DENND5B: variants seen among roughly 807,000 people sequenced by gnomAD.
DENND5B encodes DENN domain containing 5B, also known as DENN domain-containing protein 5B.
In DENND5B, 34 loss-of-function variants were observed where a neutral mutation model predicts 140.6. The observed-to-expected ratio is 0.24, with a 90% CI of 0.18 to 0.32. The LOEUF (loss-of-function observed/expected upper bound fraction) is 0.32. Among genes scored for constraint, DENND5B ranks in the 10% least tolerant of loss-of-function variants. The probability of loss-of-function intolerance (pLI) is 1.00; values close to 1 mark genes in which losing one functional copy is unlikely to be tolerated. For synonymous variants in DENND5B, 551 were observed against 562.1 expected, an observed-to-expected ratio of 0.98 and a Z score of 0.28; for missense variants, 1,142 against 1,560.2, an observed-to-expected ratio of 0.73 and a Z score of 4.52.
intron 3 of DENND5B, among the ~76,000 whole-genome samples, chr12:31,463,214 G>A (rs908240635): frequency 2.0e-5 from 3 of 152,142 alleles, no homozygotes; most frequent in South Asian, 2.1e-4. Flanking sequence ...AGCTGCGATC[G>A]TACCACTGCA....
intron 2 of DENND5B, among the ~76,000 whole-genome samples, chr12:31,492,284 A>ATGTTT (rs1348464057): frequency 6.6e-6 from 1 of 152,238 alleles, no homozygotes; most frequent in African/African-American, 2.4e-5. Context: ...TTAAAGATTA[A>ATGTTT]TGTTTTGCAG....
intron 1 of DENND5B, among the ~76,000 whole-genome samples, chr12:31,554,032 G>C (rs1949177276): frequency 1.3e-5 from 2 of 152,140 alleles, no homozygotes; most frequent in Admixed American, 6.6e-5. Context: ...GCCAGTCTGT[G>C]TCTTTTAATT....
chr12:31,436,324 C>T (rs1387351699), intron 7 of DENND5B, among the ~76,000 whole-genome samples: 1 of 151,930 alleles, frequency 6.6e-6, no homozygotes, highest in Non-Finnish European at 1.5e-5. Flanking sequence ...TGGTCTCGAA[C>T]TCCTGACCTC....
intron 3 of DENND5B, chr12:31,465,700 T>C (rs967203695): frequency 1.3e-5 from 2 of 152,350 alleles, no homozygotes; most frequent in East Asian, 1.9e-4. Context: ...TATGTTGGCT[T>C]TGAGGTCTCA....
At position 31,393,470 on chromosome 12, in the gene DENND5B, G is replaced by A. The variant is rs75342255; in HGVS notation, c.3257-774C>T. ...TGAGGGACAGGTTGGTGGGCTGCTT[G>A]AATGCGACCTAAATCACTTTTGTCC... On this transcript the variant is annotated intron_variant, in intron 17 of 20. Transcript: ENST00000389082. 2.2e-3 allele frequency among the ~76,000 whole-genome samples: 331 copies of A among 152,280 alleles called. 3 individuals are homozygous for A. The highest frequency in any genetic ancestry group is 7.6e-3 in the African/African-American group (314 of 41,560).
chr12:31,459,218 A>T (rs1392841108), intron 4 of DENND5B, among the ~76,000 whole-genome samples: 1 of 151,456 alleles, frequency 6.6e-6, no homozygotes, highest in Non-Finnish European at 1.5e-5. Context: ...GAAAAGAAAA[A>T]AAAAAGTAAA....
At chr12:31,562,641 A>T (rs1289405955) in intron 1 of DENND5B, among the ~76,000 whole-genome samples, 3 of 152,148 alleles carry the variant, frequency 2.0e-5, no homozygotes, top group African/African-American at 7.2e-5. Context: ...ATAAAATAAA[A>T]TAAAATAAAA....
intron 8 of DENND5B, chr12:31,432,355 AAC>A: frequency 6.6e-6 from 1 of 152,550 alleles, no homozygotes; most frequent in African/African-American, 2.4e-5. Context: ...TATATGTATG[AAC>A]ACAACAAAAA....
At chr12:31,394,846 C>T (rs1941349193) in intron 17 of DENND5B, among the ~76,000 whole-genome samples, 1 of 152,092 alleles carries the variant, frequency 6.6e-6, no homozygotes, top group South Asian at 2.1e-4. Context: ...ATCTGCTGAC[C>T]TTGTGATCCG....
At chr12:31,504,365 C>A (rs1490760718) in intron 1 of DENND5B, among the ~76,000 whole-genome samples, 1 of 152,114 alleles carries the variant, frequency 6.6e-6, no homozygotes, top group Non-Finnish European at 1.5e-5. Context: ...TGTTAGAATG[C>A]CAAGAACACA....
At chr12:31,523,991 T>C (rs1429127223) in intron 1 of DENND5B, among the ~76,000 whole-genome samples, 1 of 151,968 alleles carries the variant, frequency 6.6e-6, no homozygotes, top group Admixed American at 6.6e-5. Context: ...AATTAACATC[T>C]GTAATAGCTC....
intron 1 of DENND5B, among the ~76,000 whole-genome samples, chr12:31,501,553 C>CAGGT (rs1379083956): frequency 6.6e-6 from 1 of 152,136 alleles, no homozygotes; most frequent in African/African-American, 2.4e-5. Flanking sequence ...GAAGGCGGAT[C>CAGGT]ACCTGAGGTC....
At chr12:31,511,607 ATATTGTTG>A (rs1947420063) in intron 1 of DENND5B, among the ~76,000 whole-genome samples, 2 of 149,894 alleles carry the variant, frequency 1.3e-5, no homozygotes, top group Non-Finnish European at 2.9e-5. Flanking sequence ...TTGCTATGGC[ATATTGTTG>A]TCTGCTTACC....
chr12:31,443,018 A>C, intron 6 of DENND5B, 93 bp from the exon 7 acceptor site: 48 of 1,146,538 alleles, frequency 4.2e-5, no homozygotes, highest in Non-Finnish European at 5.1e-5. Flanking sequence ...AGAGAACCCA[A>C]TCACTCTGAC....
chr12:31,432,105 A>C, intron 8 of DENND5B: 1 of 985,174 alleles, frequency 1.0e-6, no homozygotes, highest in Admixed American at 6.2e-5. Context: ...CCCTGGTCCC[A>C]CTCCCAGAAT....
At chr12:31,394,615 CTT>C (rs33960412) in intron 17 of DENND5B, among the ~76,000 whole-genome samples, 123 of 137,584 alleles carry the variant, frequency 8.9e-4, no homozygotes, top group Middle Eastern at 3.9e-3. Flanking sequence ...ACCCTGTGCT[CTT>C]TTTTTTTTTT....
intron 2 of DENND5B, among the ~76,000 whole-genome samples, chr12:31,495,127 T>A (rs1017336031): frequency 3.3e-5 from 5 of 152,170 alleles, no homozygotes; most frequent in Non-Finnish European, 7.3e-5. Context: ...TACCATACAA[T>A]ATTCCTTGAA....
chr12:31,459,487 A>C (rs1944922254), intron 4 of DENND5B, among the ~76,000 whole-genome samples: 1 of 152,048 alleles, frequency 6.6e-6, no homozygotes, highest in South Asian at 2.1e-4. Context: ...GATGGGTTTC[A>C]TCATGTTAGC....
At chr12:31,540,135 T>C (rs1026703178) in intron 1 of DENND5B, among the ~76,000 whole-genome samples, 3 of 151,734 alleles carry the variant, frequency 2.0e-5, no homozygotes, top group Non-Finnish European at 1.5e-5. Context: ...TAACTACAAA[T>C]AAAATTAAAT....
Sources: allele counts gnomAD v4.1 joint callset (sites outside exome capture counted in the v4.1 genomes callset), GRCh38; gene constraint gnomAD v4.1.1; transcripts MANE v1.5; gene names NCBI Gene and HGNC (gene_info 2026-07-23, HGNC 2026-07-21).